The following CLIC5 variants were observed in gnomAD, a reference collection of about 807,000 sequenced individuals.
CLIC5 encodes the protein CLIC family member 5.
Under a neutral mutation model 24.7 loss-of-function variants are expected in CLIC5, and 20 were observed. The observed-to-expected ratio is 0.81, with a 90% CI of 0.57 to 1.18. The LOEUF is 1.18. CLIC5 is among the 50% of genes most tolerant of loss of function. CLIC5 has a pLI of 0.00. For synonymous variants in CLIC5, 159 were observed against 135.6 expected (o/e 1.17, Z -1.20); for missense variants, 341 against 326.1 (o/e 1.05, Z -0.35).
intron 1 of CLIC5, among the ~76,000 whole-genome samples, chr6:46,013,829 G>A (rs1451398831): frequency 6.6e-6 from 1 of 152,164 alleles, no homozygotes. Flanking sequence ...AGGAATCTGA[G>A]TAAGTCCTAG....
the CLIC5 span, among the ~76,000 whole-genome samples, chr6:46,108,459 C>A: frequency 1.1e-4 from 16 of 151,096 alleles, no homozygotes; most frequent in Non-Finnish European, 1.0e-4. Flanking sequence ...TGCAATGGTG[C>A]GGTCTTGGCT....
intron 1 of CLIC5, among the ~76,000 whole-genome samples, chr6:45,989,578 A>G (rs1765859408): frequency 6.6e-6 from 1 of 152,166 alleles, no homozygotes; most frequent in Non-Finnish European, 1.5e-5. Context: ...CACGTAAGTC[A>G]GGTAATATAG....
At chr6:45,918,715 A>C (rs1461783144) in intron 4 of CLIC5, among the ~76,000 whole-genome samples, 1 of 152,254 alleles carries the variant, frequency 6.6e-6, no homozygotes, top group Non-Finnish European at 1.5e-5. Context: ...GGTTGTGGTT[A>C]TTGGGCACTG....
chr6:45,888,440 A>T (rs1762323220), intron 6 of CLIC5, among the ~76,000 whole-genome samples: 1 of 152,178 alleles, frequency 6.6e-6, no homozygotes, highest in Non-Finnish European at 1.5e-5. Flanking sequence ...CCACCTGGGG[A>T]AAAAATTCAT....
chr6:46,124,921 G>T, the CLIC5 span, among the ~76,000 whole-genome samples: 23 of 152,298 alleles, frequency 1.5e-4, no homozygotes, highest in African/African-American at 5.3e-4. Flanking sequence ...AAAAAGTCAG[G>T]AAACAACAGG....
At chr6:46,042,440 A>G (rs539849297) in intron 1 of CLIC5, among the ~76,000 whole-genome samples, 1 of 152,242 alleles carries the variant, frequency 6.6e-6, no homozygotes, top group East Asian at 1.9e-4. Flanking sequence ...TTCAAGATAG[A>G]AACAAGACTG....
chr6:46,000,281 T>C (rs1766307001), intron 1 of CLIC5, among the ~76,000 whole-genome samples: 1 of 151,996 alleles, frequency 6.6e-6, no homozygotes, highest in Non-Finnish European at 1.5e-5. Context: ...TGTTTGGAGG[T>C]TAACTGTATA....
At chr6:46,022,942 T>C (rs941958977) in intron 1 of CLIC5, among the ~76,000 whole-genome samples, 1 of 152,234 alleles carries the variant, frequency 6.6e-6, no homozygotes, top group Non-Finnish European at 1.5e-5. Context: ...TGGAAGCTTC[T>C]TATGGACAGG....
intron 1 of CLIC5, among the ~76,000 whole-genome samples, chr6:46,033,779 C>G (rs958987553): frequency 6.6e-6 from 1 of 152,228 alleles, no homozygotes; most frequent in African/African-American, 2.4e-5. Context: ...CCTGCATTGT[C>G]TCTCCTGTGC....
At chr6:45,893,293 C>T (rs376873965) in intron 6 of CLIC5, among the ~76,000 whole-genome samples, 6 of 150,232 alleles carry the variant, frequency 4.0e-5, no homozygotes, top group Non-Finnish European at 5.9e-5. Context: ...GAGGCAGAAT[C>T]GTGTGATACA....
chr6:46,051,285 A>T (rs1408795120), intron 1 of CLIC5, among the ~76,000 whole-genome samples: 1 of 152,206 alleles, frequency 6.6e-6, no homozygotes, highest in Non-Finnish European at 1.5e-5. Context: ...TTGGCCAGGA[A>T]CTTGGAGACC....
chr6:46,123,648 T>C, the CLIC5 span, among the ~76,000 whole-genome samples: 3 of 152,220 alleles, frequency 2.0e-5, no homozygotes, highest in African/African-American at 7.2e-5. Flanking sequence ...AAATTGTCTC[T>C]GTTTGCAGAT....
chr6:45,982,858 C>T (rs1765612875), intron 1 of CLIC5, among the ~76,000 whole-genome samples: 1 of 152,136 alleles, frequency 6.6e-6, no homozygotes, highest in African/African-American at 2.4e-5. Context: ...TACTGACTGA[C>T]ACTTTTATCT....
intron 1 of CLIC5, among the ~76,000 whole-genome samples, chr6:46,056,794 A>G (rs1303550191): frequency 6.6e-6 from 1 of 152,194 alleles, no homozygotes; most frequent in Non-Finnish European, 1.5e-5. Context: ...CTACAAGTCA[A>G]TGAGATCTCT....
rs566057594 is a variant in CLIC5 at position 45,912,006 on chromosome 6, G to A, written c.588+2222C>T. ...GGAGATAAACCTGAAAGCGAGCCAC[G>A]CAAGAGGAGAGTGAGCATGAAAGCA... On this transcript the variant is annotated intron_variant, in intron 5 of 5. Coordinates refer to ENST00000339561, the MANE Select transcript of CLIC5 (RefSeq NM_016929.5). 1.4e-5 allele frequency: 14 copies of A among 985,630 alleles called. 1 individual carries two copies. The highest frequency in any genetic ancestry group is 2.3e-4 in the East Asian group (2 of 8,814). The allele number at this position is 985,630 out of a possible 1,614,324, so 61.1% of individuals were successfully genotyped here. A position where few individuals can be genotyped will look rare whatever the true frequency, so the allele number is the denominator to read the frequency against.
chr6:45,894,000 G>A (rs941144716), downstream of CLIC5, among the ~76,000 whole-genome samples: 2 of 152,196 alleles, frequency 1.3e-5, no homozygotes, highest in Non-Finnish European at 2.9e-5. Flanking sequence ...CCATGGTGTG[G>A]CAGTCTCGTG....
chr6:46,015,903 A>AGGGCGGGGTCAGCC, upstream of CLIC5: 1 of 1,017,018 alleles, frequency 9.8e-7, no homozygotes, highest in Non-Finnish European at 1.2e-6. Flanking sequence ...CGGCGGCTGC[A>AGGGCGGGGTCAGCC]GGGCGGGGTC....
chr6:46,086,033 T>C, the CLIC5 span, among the ~76,000 whole-genome samples: 1 of 152,204 alleles, frequency 6.6e-6, no homozygotes, highest in Non-Finnish European at 1.5e-5. Flanking sequence ...TCCGTGGGCG[T>C]AGGACCCTCC....
intron 1 of CLIC5, among the ~76,000 whole-genome samples, chr6:46,069,190 C>T (rs996028188): frequency 6.6e-6 from 1 of 152,074 alleles, no homozygotes; most frequent in Non-Finnish European, 1.5e-5. Context: ...GTAATGAAGT[C>T]TTAGCTAAAA....
Sources: allele counts gnomAD v4.1 joint callset (sites outside exome capture counted in the v4.1 genomes callset), GRCh38; gene constraint gnomAD v4.1.1; transcripts MANE v1.5; gene names NCBI Gene and HGNC (gene_info 2026-07-23, HGNC 2026-07-21).